The following DYDC1 variants were observed in gnomAD, a reference collection of about 807,000 sequenced individuals.
The protein encoded by DYDC1 is DPY30 domain-containing protein 1.
In DYDC1, 21 loss-of-function variants were observed where a neutral mutation model predicts 27.9. That is an observed-to-expected ratio of 0.75 (90% CI 0.53 to 1.08). The LOEUF (loss-of-function observed/expected upper bound fraction) is 1.08, where lower values mean the gene tolerates loss of function less well. DYDC1 is among the 50% of genes least tolerant of loss of function. The probability of loss-of-function intolerance (pLI) is 0.00; values close to 1 mark genes in which losing one functional copy is unlikely to be tolerated. For synonymous variants in DYDC1, 67 were observed against 65.8 expected (o/e 1.02, Z -0.09); for missense variants, 202 against 205.9 (o/e 0.98, Z 0.12).
chr10:80,353,909 C>A (rs1843169908), intron 1 of DYDC1, among the ~76,000 whole-genome samples: 1 of 152,012 alleles, frequency 6.6e-6, no homozygotes, highest in African/African-American at 2.4e-5. Flanking sequence ...GTAGTGACTT[C>A]CTTGGAGCCC....
chr10:80,339,242 G>A, intron 4 of DYDC1, 89 bp from the exon 5 acceptor site: 2 of 497,778 alleles, frequency 4.0e-6, no homozygotes, highest in South Asian at 7.8e-5. Flanking sequence ...TTTACACAAT[G>A]CTATGATGAA....
chr10:80,340,782 T>C (rs1740529490), intron 4 of DYDC1, among the ~76,000 whole-genome samples: 2 of 152,214 alleles, frequency 1.3e-5, no homozygotes, highest in Admixed American at 6.5e-5. Flanking sequence ...TATGTAATGA[T>C]CAAATCAGGA....
chr10:80,337,467 C>T (rs1448514144), intron 6 of DYDC1: 31 of 981,494 alleles, frequency 3.2e-5, no homozygotes, highest in Non-Finnish European at 3.8e-5. Flanking sequence ...TAAGCCATCT[C>T]CTGACACCTA....
At chr10:80,352,268 C>T (rs1233560807) in intron 2 of DYDC1, among the ~76,000 whole-genome samples, 187 bp downstream of exon 2, 1 of 152,126 alleles carries the variant, frequency 6.6e-6, no homozygotes, top group East Asian at 1.9e-4. Flanking sequence ...AAGGAATTAC[C>T]TAAAAATCTA....
Position 80,351,618 on chromosome 10 carries a change from C to T in DYDC1, c.249+283G>A, listed in dbSNP as rs1009435119. Among the ~76,000 whole-genome samples, 7 of 152,246 alleles carry T rather than the reference C, an allele frequency of 4.6e-5. 1 individual carries two copies. The highest frequency in any genetic ancestry group is 1.9e-4 in the East Asian group (1 of 5,180). ...CAGTCTTTCCCTTTGCCTTCTGTGACAGCACACTCTGTATTTTCCTCTTAC... is the reference window on the plus strand; with the variant it reads ...CAGTCTTTCCCTTTGCCTTCTGTGATAGCACACTCTGTATTTTCCTCTTAC... On this transcript the variant is annotated intron_variant, in intron 3 of 6. Coordinates refer to ENST00000372202, the MANE Select transcript of DYDC1 (RefSeq NM_001269053.2).
In DYDC1 at chr10:80,336,126, A is replaced by C. The variant is rs765548948; in HGVS notation, c.*30T>G. On this transcript the variant is annotated 3_prime_UTR_variant, in exon 7 of 7. Coordinates refer to ENST00000372202, the MANE Select transcript of DYDC1 (RefSeq NM_001269053.2). ...ATGGTTTGAAATTTGAAACAAACAAAAACATTTATTGCTCTTAGGTTGGTT... is the reference window on the plus strand; with the variant it reads ...ATGGTTTGAAATTTGAAACAAACAACAACATTTATTGCTCTTAGGTTGGTT... The C allele has an allele frequency of 2.8e-5, 39 of 1,387,370 alleles. No homozygotes were observed. Among genetic ancestry groups the C allele is most frequent in the Middle Eastern group, 1.8e-4 (1 of 5,450 alleles). 85.9% of individuals were successfully genotyped at this position (1,387,370 alleles called of 1,614,324 possible). A position where few individuals can be genotyped will look rare whatever the true frequency, so the allele number is the denominator to read the frequency against.
intron 1 of DYDC1, chr10:80,356,118 A>T: frequency 4.7e-6 from 2 of 423,484 alleles, no homozygotes; most frequent in Non-Finnish European, 6.3e-6. Flanking sequence ...AGGTCAGGGG[A>T]GGCTCTGTCT....
chr10:80,338,277 T>A (rs1842200993), intron 6 of DYDC1, 190 bp downstream of exon 6: 4 of 1,327,246 alleles, frequency 3.0e-6, no homozygotes, highest in Non-Finnish European at 3.8e-6. Flanking sequence ...GTGACACACT[T>A]CACAAAAGGG....
chr10:80,353,282 GC>G (rs767784800), intron 1 of DYDC1, among the ~76,000 whole-genome samples: 6 of 151,676 alleles, frequency 4.0e-5, no homozygotes, highest in Non-Finnish European at 7.4e-5. Flanking sequence ...ATCTCTCCTG[GC>G]CCCAGCACAC....
intron 5 of DYDC1, 103 bp from the exon 6 acceptor site, chr10:80,338,674 T>C: frequency 2.5e-6 from 3 of 1,197,746 alleles, no homozygotes; most frequent in Non-Finnish European, 3.3e-6. Context: ...AACATTAAAA[T>C]TCAACATTAT....
At chr10:80,338,988 T>C in intron 5 of DYDC1, 109 bp downstream of exon 5, 1 of 584,854 alleles carries the variant, frequency 1.7e-6, no homozygotes, top group South Asian at 2.6e-5. Context: ...ACTATCAGTT[T>C]TGATAATATA....
intron 4 of DYDC1, among the ~76,000 whole-genome samples, 162 bp downstream of exon 4, chr10:80,342,107 G>C (rs932120946): frequency 6.6e-6 from 1 of 151,884 alleles, no homozygotes; most frequent in African/African-American, 2.4e-5. Context: ...CAGGTAAACT[G>C]AGACTGAAAA....
intron 6 of DYDC1, chr10:80,338,252 G>A (rs1842199315): frequency 1.0e-6 from 1 of 985,318 alleles, no homozygotes; most frequent in East Asian, 1.1e-4. Context: ...CAGATACGGA[G>A]ATATAGATAA....
intron 3 of DYDC1, among the ~76,000 whole-genome samples, chr10:80,344,201 T>C (rs1435428534): frequency 6.6e-6 from 1 of 152,092 alleles, no homozygotes; most frequent in African/African-American, 2.4e-5. Flanking sequence ...GCAACAAAAG[T>C]AGGGTTCCAA....
intron 3 of DYDC1, among the ~76,000 whole-genome samples, chr10:80,345,840 C>T (rs925596401): frequency 3.9e-5 from 6 of 151,962 alleles, no homozygotes; most frequent in East Asian, 1.9e-4. Context: ...TATATATATA[C>T]AAGATATACA....
intron 4 of DYDC1, among the ~76,000 whole-genome samples, chr10:80,339,646 G>C (rs1382446225): frequency 1.3e-5 from 2 of 152,076 alleles, no homozygotes; most frequent in African/African-American, 4.8e-5. Context: ...GGAATATACT[G>C]CCCAATAAGG....
At chr10:80,347,108 C>A (rs1842689849) in intron 3 of DYDC1, among the ~76,000 whole-genome samples, 1 of 151,636 alleles carries the variant, frequency 6.6e-6, no homozygotes, top group African/African-American at 2.4e-5. Flanking sequence ...AGCAGCCATC[C>A]TAATAGGGGC....
chr10:80,352,692 AG>A, intron 1 of DYDC1, 82 bp from the exon 2 acceptor site: 2 of 1,443,442 alleles, frequency 1.4e-6, no homozygotes, highest in Non-Finnish European at 1.8e-6. Context: ...AGGTGAACAA[AG>A]CCTTACATAC....
At chr10:80,352,176 C>T (rs1022732733) in intron 2 of DYDC1, among the ~76,000 whole-genome samples, 174 bp from the exon 3 acceptor site, 1 of 152,006 alleles carries the variant, frequency 6.6e-6, no homozygotes, top group African/African-American at 2.4e-5. Flanking sequence ...ATAATGAGCA[C>T]AATATTAAAG....
Sources: allele counts gnomAD v4.1 joint callset (sites outside exome capture counted in the v4.1 genomes callset), GRCh38; gene constraint gnomAD v4.1.1; transcripts MANE v1.5; gene names NCBI Gene and HGNC (gene_info 2026-07-23, HGNC 2026-07-21).